HTR2C: variants seen among roughly 807,000 people sequenced by gnomAD.
HTR2C encodes the protein 5-hydroxytryptamine receptor 2C.
Under a neutral mutation model 21.0 loss-of-function variants are expected in HTR2C, and 5 were observed. The observed-to-expected ratio is 0.24, with a 90% CI of 0.12 to 0.50. The LOEUF (loss-of-function observed/expected upper bound fraction) is 0.50, where lower values mean the gene tolerates loss of function less well. Ranked by LOEUF, HTR2C falls within the 20% of genes least tolerant of loss-of-function variation. HTR2C has a pLI of 0.98. For synonymous variants in HTR2C, 150 were observed against 145.3 expected (o/e 1.03, Z -0.23); for missense variants, 271 against 371.2 (o/e 0.73, Z 2.22).
At chrX:114,754,093 G>A (rs1453439488) in intron 4 of HTR2C, among the ~76,000 whole-genome samples, 11 of 110,467 alleles carry the variant, frequency 1.0e-4, no homozygotes, top group African/African-American at 3.3e-4. Flanking sequence ...ATTGGATTAG[G>A]GCCCACCCTA....
chrX:114,812,624 G>GA (rs1432114612), intron 4 of HTR2C, among the ~76,000 whole-genome samples: 2 of 110,053 alleles, frequency 1.8e-5, no homozygotes, highest in African/African-American at 6.6e-5. Flanking sequence ...AGCTACTTGT[G>GA]ATGCTGAGGC....
intron 4 of HTR2C, among the ~76,000 whole-genome samples, chrX:114,837,546 A>G (rs1018788643): frequency 1.6e-4 from 18 of 111,236 alleles, no homozygotes; most frequent in Admixed American, 5.7e-4. Flanking sequence ...CAAATAGACT[A>G]TTTTCCCTTT....
intron 2 of HTR2C, among the ~76,000 whole-genome samples, chrX:114,651,811 T>C (rs1004174283): frequency 1.8e-5 from 2 of 112,017 alleles, no homozygotes; most frequent in Admixed American, 1.9e-4. Flanking sequence ...TTTATTCCTC[T>C]TTTATTTACA....
At chrX:114,601,970 T>C (rs1473817362) in intron 1 of HTR2C, among the ~76,000 whole-genome samples, 1 of 100,343 alleles carries the variant, frequency 1.0e-5, no homozygotes, top group Non-Finnish European at 2.0e-5. Flanking sequence ...TGATTGGTGA[T>C]GGCCTGGATA....
At chrX:114,838,015 A>G (rs901752891) in intron 4 of HTR2C, among the ~76,000 whole-genome samples, 2 of 111,363 alleles carry the variant, frequency 1.8e-5, no homozygotes, top group Admixed American at 9.6e-5. Context: ...AATATCTATT[A>G]AAAGACCAAA....
intron 2 of HTR2C, among the ~76,000 whole-genome samples, chrX:114,697,759 A>G (rs1460468249): frequency 1.8e-5 from 2 of 112,059 alleles, no homozygotes; most frequent in Admixed American, 1.9e-4. Flanking sequence ...TACCTCTTAC[A>G]TTAACTGTAT....
rs1556487375 is a variant in HTR2C at position 114,907,351 on chromosome X, T to C, written c.1313T>C (p.Val438Ala). 1 of 1,211,415 alleles carries C rather than the reference T, an allele frequency of 8.3e-7. No homozygotes were observed. Reference protein sequence around the residue: ...SDNEPGIEMQVENLELPVNPS... With the variant: ...SDNEPGIEMQAENLELPVNPS... The stretch of plus-strand genomic sequence containing the variant: ...AATGAGCCCGGTATAGAGATGCAAG[T>C]TGAGAATTTAGAGTTACCAGTAAAT... The change falls in exon 6 of 6, where the codon GTT becomes GCT. Residue 438 changes from valine (V) to alanine (A), a missense_variant. Coordinates refer to ENST00000276198, the MANE Select transcript of HTR2C (RefSeq NM_000868.4).
At chrX:114,780,410 A>T (rs1208128873) in intron 4 of HTR2C, among the ~76,000 whole-genome samples, 1 of 111,739 alleles carries the variant, frequency 8.9e-6, no homozygotes, top group African/African-American at 3.3e-5. Flanking sequence ...GTCTTGTGGA[A>T]ATTTGCTTAA....
chrX:114,650,683 CTTCT>C (rs782088146), intron 2 of HTR2C, among the ~76,000 whole-genome samples: 1 of 112,137 alleles, frequency 8.9e-6, no homozygotes, highest in East Asian at 2.8e-4. Flanking sequence ...TATTTGTTCT[CTTCT>C]TTATTATCTC....
chrX:114,737,637 G>GA (rs1450558678), intron 4 of HTR2C, among the ~76,000 whole-genome samples: 1 of 111,631 alleles, frequency 9.0e-6, no homozygotes. Flanking sequence ...TATAATCATA[G>GA]AAAAAAATAA....
intron 4 of HTR2C, among the ~76,000 whole-genome samples, chrX:114,777,743 A>G (rs1212230750): frequency 9.0e-6 from 1 of 110,962 alleles, no homozygotes; most frequent in Non-Finnish European, 1.9e-5. Context: ...TTTTTAGTAG[A>G]GACAGGGTTT....
At chrX:114,823,471 C>CCT in intron 4 of HTR2C, 1 of 348,295 alleles carries the variant, frequency 2.9e-6, no homozygotes, top group Non-Finnish European at 5.8e-6. Flanking sequence ...GGTTGAACAT[C>CCT]CTGCATAGTG....
intron 1 of HTR2C, among the ~76,000 whole-genome samples, chrX:114,605,948 G>A (rs1024620743): frequency 2.2e-4 from 23 of 104,729 alleles, no homozygotes; most frequent in Admixed American, 1.0e-3. Flanking sequence ...GTTGGGGCAC[G>A]GAAATAAGGG....
intron 5 of HTR2C, among the ~76,000 whole-genome samples, chrX:114,849,492 C>T (rs1287857406): frequency 1.8e-5 from 2 of 112,253 alleles, no homozygotes; most frequent in African/African-American, 6.5e-5. Flanking sequence ...TTCACTTTTG[C>T]CAATGATGCA....
At chrX:114,875,232 T>C (rs1382874823) in intron 5 of HTR2C, among the ~76,000 whole-genome samples, 1 of 111,660 alleles carries the variant, frequency 9.0e-6, no homozygotes, top group Non-Finnish European at 1.9e-5. Context: ...AAAGGCTCCA[T>C]ATCCTAATAC....
At chrX:114,626,770 A>G (rs782032686) in intron 2 of HTR2C, among the ~76,000 whole-genome samples, 11 of 112,306 alleles carry the variant, frequency 9.8e-5, no homozygotes, top group Non-Finnish European at 1.9e-4. Context: ...GAATTCTGTC[A>G]TTTAAAAATA....
chrX:114,782,709 C>T (rs2070132221), intron 4 of HTR2C, among the ~76,000 whole-genome samples: 1 of 108,122 alleles, frequency 9.2e-6, no homozygotes, highest in African/African-American at 3.4e-5. Context: ...CAGAGTGAGA[C>T]CCTGTATAAA....
intron 2 of HTR2C, among the ~76,000 whole-genome samples, chrX:114,618,010 G>C (rs1049857628): frequency 3.6e-5 from 4 of 112,093 alleles, no homozygotes; most frequent in African/African-American, 6.5e-5. Flanking sequence ...AACTTTATAA[G>C]ATATTTCCAC....
intron 5 of HTR2C, among the ~76,000 whole-genome samples, chrX:114,876,112 G>C (rs1484601515): frequency 2.7e-5 from 3 of 109,926 alleles, no homozygotes; most frequent in Non-Finnish European, 5.7e-5. Flanking sequence ...TCAGTGTACA[G>C]TTATTTCACT....
Sources: allele counts gnomAD v4.1 joint callset (sites outside exome capture counted in the v4.1 genomes callset), GRCh38; gene constraint gnomAD v4.1.1; transcripts MANE v1.5; gene names NCBI Gene and HGNC (gene_info 2026-07-23, HGNC 2026-07-21).